FAM8A1: variants seen among roughly 807,000 people sequenced by gnomAD.
FAM8A1 encodes the protein protein FAM8A1.
In FAM8A1, 18 loss-of-function variants were observed where a neutral mutation model predicts 38.3. The ratio of observed to expected loss-of-function variants is 0.47; its 90% CI spans 0.33 to 0.70. FAM8A1 has a LOEUF of 0.70. Ranked by LOEUF, FAM8A1 falls within the 30% of genes least tolerant of loss-of-function variation. The pLI is 0.03. For synonymous variants in FAM8A1, 246 were observed against 234.4 expected (o/e 1.05, Z -0.45); for missense variants, 559 against 559.6 (o/e 1.00, Z 0.01).
intron 4 of FAM8A1, among the ~76,000 whole-genome samples, chr6:17,607,582 T>C (rs1024745830): frequency 6.6e-6 from 1 of 152,006 alleles, no homozygotes; most frequent in African/African-American, 2.4e-5. Flanking sequence ...ATACAACTAG[T>C]AATTGGTAGA....
chr6:17,606,078 G>A, intron 4 of FAM8A1, 65 bp downstream of exon 4: 1 of 1,298,424 alleles, frequency 7.7e-7, no homozygotes, highest in South Asian at 2.2e-5. Context: ...TAGAATATTG[G>A]GGTTTTTTTC....
rs1763964984 is a variant in FAM8A1 at position 17,600,507 on chromosome 6, C to T, written c.98C>T (p.Thr33Ile). Residue 33 changes from threonine to isoleucine, a missense_variant, in exon 1 of 5, where the codon ACC becomes ATC. Thr to Ile is a moderately conservative substitution (Grantham distance 89). Transcript: ENST00000259963. ...GTCCCTTCCCTGAGAGGCCCTCCTA[C>T]CACCGCCGTCCCATGCCCCCGCGAC... ...EPVPSLRGPPTTAVPCPRDDP... is the reference protein window; with the variant it reads ...EPVPSLRGPPITAVPCPRDDP... 1.3e-6 allele frequency: 2 copies of T among 1,534,712 alleles called. No individual in the cohort carries two copies. The highest frequency in any genetic ancestry group is 1.7e-6 in the Non-Finnish European group (2 of 1,145,190).
At position 17,604,704 on chromosome 6, in the gene FAM8A1, G is replaced by A. The variant is rs547351532; in HGVS notation, c.834-202G>A. ...AAATTCATTCACCCTTATTTCCCCC[G>A]TGCTAGTACAGTGTCTGCTCATGAT... is the stretch of plus-strand genomic sequence containing the variant. On this transcript the variant is annotated intron_variant, in intron 2 of 4. Transcript: ENST00000259963. 9.2e-5 allele frequency among the ~76,000 whole-genome samples: 14 copies of A among 151,874 alleles called. No individual in the cohort carries two copies. In the East Asian group the frequency reaches 9.7e-4, roughly 10 times the overall value.
rs143076391 is a variant in FAM8A1 at position 17,605,012 on chromosome 6, T to C, written c.940T>C (p.Leu314=). 5.5e-5 allele frequency: 89 copies of C among 1,608,954 alleles called. No homozygotes were observed. Among genetic ancestry groups the C allele is most frequent in the Middle Eastern group, 3.5e-4 (2 of 5,650 alleles). ...MMVVALIYRL[L]VCFYEIICIW... Reference sequence around the variant, plus strand: ...GGTTGTGGCACTTATATACAGATTATTAGTTTGTTTCTATGAGGTAAGCTA... The same window carrying C: ...GGTTGTGGCACTTATATACAGATTACTAGTTTGTTTCTATGAGGTAAGCTA... Residue 314 remains leucine (L), a synonymous_variant, in exon 3 of 5, where the codon TTA becomes CTA. Transcript: ENST00000259963.
chr6:17,604,882 A>AC, intron 2 of FAM8A1, 24 bp from the exon 3 acceptor site: 1 of 1,540,340 alleles, frequency 6.5e-7, no homozygotes, highest in Non-Finnish European at 8.7e-7. Flanking sequence ...ATTATTTATA[A>AC]CCCCAAACTA....
intron 2 of FAM8A1, 31 bp from the exon 3 acceptor site, chr6:17,604,875 A>C (rs6916441): frequency 0.29 from 445,479 of 1,524,824 alleles, 67,660 homozygotes; most frequent in East Asian, 0.34. Context: ...GTAACTAATT[A>C]TTTATAACCC....
Position 17,609,762 on chromosome 6 carries a change from C to T in FAM8A1, c.*1423C>T, listed in dbSNP as rs950944742. On this transcript the variant is annotated 3_prime_UTR_variant, in exon 5 of 5. Coordinates refer to ENST00000259963, the MANE Select transcript of FAM8A1 (RefSeq NM_016255.3). Reference sequence around the variant, plus strand: ...CATTGCACAGTTCAAAATTTGATTACTTAAGGGATCAATCTAGGTGGTGTT... The same window carrying T: ...CATTGCACAGTTCAAAATTTGATTATTTAAGGGATCAATCTAGGTGGTGTT... 21 of 152,150 alleles carry T rather than the reference C, an allele frequency of 1.4e-4. No homozygotes were observed. Among genetic ancestry groups the T allele is most frequent in the African/African-American group, 2.2e-4 (9 of 41,448 alleles). The allele number at this position is 152,150 out of a possible 1,614,324, so 9.4% of individuals were successfully genotyped here.
At chr6:17,607,088 G>A (rs1327365422) in intron 4 of FAM8A1, among the ~76,000 whole-genome samples, 3 of 151,864 alleles carry the variant, frequency 2.0e-5, no homozygotes, top group African/African-American at 7.3e-5. Flanking sequence ...GTGAAACCCC[G>A]TCTCTACTAA....
intron 4 of FAM8A1, among the ~76,000 whole-genome samples, chr6:17,607,466 C>G (rs1561842152): frequency 1.0e-4 from 2 of 19,088 alleles, no homozygotes; most frequent in East Asian, 8.8e-3. Flanking sequence ...TATAGGTAGT[C>G]TCTATCTATA....
chr6:17,601,147 G>A lies in FAM8A1; in HGVS notation c.712+26G>A, dbSNP rs774418250. On this transcript the variant is annotated intron_variant, in intron 1 of 4. Coordinates refer to ENST00000259963, the MANE Select transcript of FAM8A1 (RefSeq NM_016255.3). ...GTGAGAAGCGCGAGGTGGAGGCTGG[G>A]CGGAGTAGAAGGGTTTTCGGGGGCC... 4 of 1,567,098 alleles carry A rather than the reference G, an allele frequency of 2.6e-6. No individual in the cohort carries two copies. In the Admixed American group the frequency reaches 7.6e-5, roughly 30 times the overall value.
At chr6:17,603,570 C>G (rs1460686143) in intron 2 of FAM8A1, among the ~76,000 whole-genome samples, 1 of 152,066 alleles carries the variant, frequency 6.6e-6, no homozygotes, top group Non-Finnish European at 1.5e-5. Context: ...CAGACCTCCT[C>G]ACTGCCAGAT....
At chr6:17,607,453 T>C (rs563701539) in intron 4 of FAM8A1, among the ~76,000 whole-genome samples, 7 of 152,168 alleles carry the variant, frequency 4.6e-5, no homozygotes, top group Admixed American at 4.6e-4. Flanking sequence ...TATCATAAGA[T>C]ACTATAGGTA....
At chr6:17,601,651 G>C (rs1763987437) in intron 1 of FAM8A1, among the ~76,000 whole-genome samples, 1 of 152,138 alleles carries the variant, frequency 6.6e-6, no homozygotes, top group African/African-American at 2.4e-5. Context: ...TTTTGCTTCT[G>C]TGTGTGAACT....
chr6:17,602,785 CT>C (rs1255962487), intron 2 of FAM8A1, 75 bp downstream of exon 2: 23 of 1,413,930 alleles, frequency 1.6e-5, no homozygotes, highest in Non-Finnish European at 2.2e-5. Flanking sequence ...TTCTGTTTGT[CT>C]ACACGTGACT....
At position 17,604,911 on chromosome 6, in the gene FAM8A1, T is replaced by G. The variant is rs1764031687; in HGVS notation, c.839T>G (p.Ile280Ser). Reference protein sequence around the residue: ...SIMHLSGIKDISKFAMHYIIE... With the variant: ...SIMHLSGIKDSSKFAMHYIIE... ...CAAACTATTATTTTGTGTAGGGATA[T>G]CTCTAAGTTTGCTATGCATTATATA... The change falls in exon 3 of 5, where the codon ATC (isoleucine) becomes AGC (serine). Residue 280 changes from isoleucine to serine, a missense_variant. By Grantham distance (142) the Ile-to-Ser change is moderately radical. This residue lies in a region of FAM8A1 where 166 missense variants were observed against 220.8 expected (regional missense o/e 0.75). Coordinates refer to ENST00000259963, the MANE Select transcript of FAM8A1 (RefSeq NM_016255.3). 3 of 1,585,634 alleles carry G rather than the reference T, an allele frequency of 1.9e-6. No homozygotes were observed. The highest frequency in any genetic ancestry group is 1.4e-5 in the African/African-American group (1 of 73,452).
In FAM8A1 at chr6:17,609,017, T is replaced by G. The variant is rs1184809903; in HGVS notation, c.*678T>G. On this transcript the variant is annotated 3_prime_UTR_variant, in exon 5 of 5. Coordinates refer to ENST00000259963, the MANE Select transcript of FAM8A1 (RefSeq NM_016255.3). The stretch of plus-strand genomic sequence containing the variant: ...AGTTTCTCATGATGATGAAAAAGTA[T>G]CAAGTCATATTGCTATGTTAATTGG... 1 of 152,206 alleles carries G rather than the reference T, an allele frequency of 6.6e-6. No individual in the cohort carries two copies. The allele number at this position is 152,206 out of a possible 1,614,324, so 9.4% of individuals were successfully genotyped here. A position where few individuals can be genotyped will look rare whatever the true frequency, so the allele number is the denominator to read the frequency against.
rs1266567849 is a variant in FAM8A1 at position 17,600,625 on chromosome 6, G to A, written c.216G>A (p.Glu72=). The A allele has an allele frequency of 6.6e-7, 1 of 1,519,528 alleles. No homozygotes were observed. 94.1% of individuals were successfully genotyped at this position (1,519,528 alleles called of 1,614,324 possible). A position where few individuals can be genotyped will look rare whatever the true frequency, so the allele number is the denominator to read the frequency against. Residue 72 remains glutamate (E), a synonymous_variant, in exon 1 of 5, where the codon GAG becomes GAA. Transcript: ENST00000259963. ...AAADKLEPPR[E]LRKRGEAASG... ...CCGACAAATTGGAGCCGCCGCGCGA[G>A]CTCAGGAAGCGCGGGGAGGCGGCCT...
rs552555435 is a variant in FAM8A1, at chr6:17,604,149, G to A, written c.834-757G>A. On this transcript the variant is annotated intron_variant, in intron 2 of 4. Transcript: ENST00000259963. ...TGCTTTCAAAATCCTAGGCTCAGGCGATCCTCCCACCTCAGCCTCCCAAAG... is the reference window on the plus strand; with the variant it reads ...TGCTTTCAAAATCCTAGGCTCAGGCAATCCTCCCACCTCAGCCTCCCAAAG... Among the ~76,000 whole-genome samples, 108 of 152,058 alleles carry A rather than the reference G, an allele frequency of 7.1e-4. 1 individual carries two copies. The South Asian group carries it at 0.021, about 30-fold the overall frequency.
intron 2 of FAM8A1, among the ~76,000 whole-genome samples, chr6:17,603,110 A>G (rs75663948): frequency 6.6e-6 from 1 of 152,226 alleles, no homozygotes; most frequent in South Asian, 2.1e-4. Flanking sequence ...AATCAACTAG[A>G]TGGCATTTCC....
Sources: allele counts gnomAD v4.1 joint callset (sites outside exome capture counted in the v4.1 genomes callset), GRCh38; gene constraint gnomAD v4.1.1; regional missense constraint gnomAD v4.1.1; transcripts MANE v1.5; gene names NCBI Gene and HGNC (gene_info 2026-07-23, HGNC 2026-07-21).